BBOX1: variants seen among roughly 807,000 people sequenced by gnomAD.
The protein encoded by BBOX1 is gamma-butyrobetaine hydroxylase 1.
BBOX1 carries 35 observed loss-of-function variants against 41.6 expected under a neutral mutation model. The observed-to-expected ratio is 0.84, with a 90% CI of 0.64 to 1.11. The LOEUF (loss-of-function observed/expected upper bound fraction) is 1.11, where lower values mean the gene tolerates loss of function less well. Ranked by LOEUF, BBOX1 falls within the 50% of genes most tolerant of loss-of-function variation. BBOX1 has a pLI of 0.00. For synonymous variants in BBOX1, 163 were observed against 154.7 expected, an observed-to-expected ratio of 1.05 and a Z score of -0.40; for missense variants, 458 against 460.6, an observed-to-expected ratio of 0.99 and a Z score of 0.05.
intron 5 of BBOX1, among the ~76,000 whole-genome samples, chr11:27,106,757 T>G (rs1858886546): frequency 1.6e-3 from 1 of 614 alleles, no homozygotes; most frequent in South Asian, 0.083. Context: ...TCTACAGAAC[T>G]CTCCACCCCC....
chr11:27,077,836 T>C (rs1436016044), intron 4 of BBOX1, among the ~76,000 whole-genome samples: 1 of 152,102 alleles, frequency 6.6e-6, no homozygotes, highest in African/African-American at 2.4e-5. Context: ...TGCCAACAGC[T>C]TAGTTGGAGC....
At position 27,084,606 on chromosome 11, in the gene BBOX1, T is replaced by C. The variant is rs1590198921; in HGVS notation, c.335-8562T>C. ...GAAGAGACAGTAAGAGATTGGCTGA[T>C]CCCCTGCATATTCAATAAGCTATTT... On this transcript the variant is annotated intron_variant, in intron 4 of 8. Coordinates refer to ENST00000263182, the MANE Select transcript of BBOX1 (RefSeq NM_003986.3). 2.0e-5 allele frequency among the ~76,000 whole-genome samples: 3 copies of C among 152,196 alleles called. No homozygotes were observed. The East Asian group carries it at 5.8e-4, about 30-fold the overall frequency.
chr11:27,119,348 T>A (rs1391984608), intron 6 of BBOX1, among the ~76,000 whole-genome samples: 1 of 152,116 alleles, frequency 6.6e-6, no homozygotes, highest in Non-Finnish European at 1.5e-5. Context: ...AGCTGTTCTT[T>A]TTGTTTGCTA....
At chr11:27,083,014 G>A (rs768960616) in intron 4 of BBOX1, among the ~76,000 whole-genome samples, 4 of 152,066 alleles carry the variant, frequency 2.6e-5, no homozygotes, top group Non-Finnish European at 5.9e-5. Context: ...GAAAATGTGT[G>A]TCTCTCCTTT....
chr11:27,081,595 G>T (rs947387985), intron 4 of BBOX1, among the ~76,000 whole-genome samples: 2 of 152,018 alleles, frequency 1.3e-5, no homozygotes, highest in Admixed American at 6.6e-5. Context: ...TGGATCAAAT[G>T]GTATTTCTGG....
chr11:27,045,414 G>A (rs544255688), intron 2 of BBOX1, among the ~76,000 whole-genome samples: 4 of 152,152 alleles, frequency 2.6e-5, no homozygotes, highest in African/African-American at 4.8e-5. Context: ...AATTGAATAC[G>A]CTTTATTTCT....
At chr11:27,053,980 G>C (rs908925068) in intron 2 of BBOX1, among the ~76,000 whole-genome samples, 3 of 152,140 alleles carry the variant, frequency 2.0e-5, no homozygotes, top group Admixed American at 1.3e-4. Context: ...TCCATAACTT[G>C]ACTAAATTAT....
At position 27,125,735 on chromosome 11, in the gene BBOX1, A is replaced by G. The variant is rs1469340327; in HGVS notation, c.918A>G (p.Arg306=). The G allele has an allele frequency of 1.9e-6, 3 of 1,613,652 alleles. No individual in the cohort carries two copies. Among genetic ancestry groups the G allele is most frequent in the South Asian group, 2.2e-5 (2 of 91,000 alleles). The change falls in exon 8 of 9, where the codon AGA becomes AGG. Residue 306 remains arginine, a synonymous_variant. Coordinates refer to ENST00000263182, the MANE Select transcript of BBOX1 (RefSeq NM_003986.3). ...CAATATTTGATGTGCCTGTTGAAAG[A>G]GTTCAGCCTTTTTATGCTGCTCTGA... is the stretch of plus-strand genomic sequence containing the variant. The part of the protein sequence containing the change: ...RDTIFDVPVE[R]VQPFYAALKE...
chr11:27,081,353 G>T (rs1485170956), intron 4 of BBOX1, among the ~76,000 whole-genome samples: 1 of 152,080 alleles, frequency 6.6e-6, no homozygotes, highest in African/African-American at 2.4e-5. Context: ...ATGGTTTCCA[G>T]CTTCATCCAT....
In BBOX1 at chr11:27,065,651, C is replaced by A. The variant is rs767837534; in HGVS notation, c.334+8336C>A. 3.3e-5 allele frequency among the ~76,000 whole-genome samples: 5 copies of A among 152,234 alleles called. No homozygotes were observed. The South Asian group carries it at 1.0e-3, about 32-fold the overall frequency. On this transcript the variant is annotated intron_variant, in intron 4 of 8. Transcript: ENST00000263182. ...TAAACTTATCTTCCTCTTTCCTTTT[C>A]TAAACTCCATCCATACTTCCAGCTA... is the stretch of plus-strand genomic sequence containing the variant.
At chr11:27,110,602 T>C (rs1859025992) in intron 5 of BBOX1, among the ~76,000 whole-genome samples, 1 of 151,974 alleles carries the variant, frequency 6.6e-6, no homozygotes, top group South Asian at 2.1e-4. Flanking sequence ...CCTTATTTTG[T>C]TTGGGTTTCT....
chr11:27,095,741 ATTG>A (rs1334117451), intron 5 of BBOX1, among the ~76,000 whole-genome samples: 1 of 151,872 alleles, frequency 6.6e-6, no homozygotes, highest in Non-Finnish European at 1.5e-5. Flanking sequence ...TGTTTTTGTT[ATTG>A]TTGTTTTATT....
At chr11:27,072,032 C>T (rs1857468983) in intron 4 of BBOX1, among the ~76,000 whole-genome samples, 1 of 152,186 alleles carries the variant, frequency 6.6e-6, no homozygotes. Flanking sequence ...TGCCCTTTCT[C>T]ACTACTCCTA....
At chr11:27,073,604 A>C (rs558375665) in intron 4 of BBOX1, among the ~76,000 whole-genome samples, 9,450 of 148,920 alleles carry the variant, frequency 0.063, 1,078 homozygotes, top group African/African-American at 0.22. Flanking sequence ...TATAAAGATA[A>C]ATGCACACGT....
chr11:27,042,036 C>T (rs575779517), intron 2 of BBOX1, among the ~76,000 whole-genome samples: 2 of 152,188 alleles, frequency 1.3e-5, no homozygotes, highest in South Asian at 4.2e-4. Flanking sequence ...GTTCCCTTAA[C>T]GAAGCTCAAG....
At chr11:27,063,529 A>C (rs1170692703) in intron 4 of BBOX1, among the ~76,000 whole-genome samples, 1 of 152,060 alleles carries the variant, frequency 6.6e-6, no homozygotes, top group South Asian at 2.1e-4. Context: ...TTAATCTCTA[A>C]CTTTAATAAT....
chr11:27,045,002 C>A (rs1408091904), intron 2 of BBOX1, among the ~76,000 whole-genome samples: 2 of 152,154 alleles, frequency 1.3e-5, no homozygotes, highest in African/African-American at 4.8e-5. Context: ...AGCATTGAAT[C>A]TATAAATTAC....
At chr11:27,054,034 G>C (rs1438060290) in intron 2 of BBOX1, among the ~76,000 whole-genome samples, 1 of 152,120 alleles carries the variant, frequency 6.6e-6, no homozygotes, top group Non-Finnish European at 1.5e-5. Context: ...CCACCTAGAA[G>C]TATTTTACTT....
intron 4 of BBOX1, among the ~76,000 whole-genome samples, chr11:27,069,496 A>G (rs1857380985): frequency 6.6e-6 from 1 of 152,048 alleles, no homozygotes; most frequent in African/African-American, 2.4e-5. Flanking sequence ...TTTTGTAGGT[A>G]TACTATTTTA....
Sources: allele counts gnomAD v4.1 joint callset (sites outside exome capture counted in the v4.1 genomes callset), GRCh38; gene constraint gnomAD v4.1.1; transcripts MANE v1.5; gene names NCBI Gene and HGNC (gene_info 2026-07-23, HGNC 2026-07-21).